KNG1: variants seen among roughly 807,000 people sequenced by gnomAD.
The protein encoded by KNG1 is kininogen 1, also known as kininogen-1.
In KNG1, 23 loss-of-function variants were observed where a neutral mutation model predicts 47.8. The ratio of observed to expected loss-of-function variants is 0.48; its 90% CI spans 0.35 to 0.68. KNG1 has a LOEUF of 0.68. KNG1 is among the 30% of genes least tolerant of loss of function. The pLI, the probability that KNG1 is intolerant of heterozygous loss-of-function variation, is 0.01. For synonymous variants in KNG1, 277 were observed against 277.0 expected (o/e 1.00, Z 0.00); for missense variants, 762 against 790.2 (o/e 0.96, Z 0.43).
chr3:186,717,879 CCACAA>C (rs1720037605), intron 1 of KNG1, 142 bp downstream of exon 1: 5 of 275,784 alleles, frequency 1.8e-5, no homozygotes, highest in South Asian at 5.1e-5. Flanking sequence ...ACCACCACCA[CCACAA>C]CCACCACCAC....
intron 2 of KNG1, chr3:186,722,117 C>CAAA (rs56170982): frequency 5.0e-4 from 71 of 143,116 alleles, no homozygotes; most frequent in African/African-American, 1.8e-3. Flanking sequence ...CACTCTGTCT[C>CAAA]AAAAAAAAAA....
At position 186,737,190 on chromosome 3, in the gene KNG1, A is replaced by G. The variant is rs557140312; in HGVS notation, c.931-1909A>G. Among the ~76,000 whole-genome samples, 16 of 152,326 alleles carry G rather than the reference A, an allele frequency of 1.1e-4. No homozygotes were observed. In the South Asian group the frequency reaches 3.3e-3, roughly 32 times the overall value. ...TCATCTTTGCCTGCATGGAAGGCTA[A>G]CAATGATGTCTCATTGCTTTTTTAA... On this transcript the variant is annotated intron_variant, in intron 7 of 9. Coordinates refer to ENST00000644859, the MANE Select transcript of KNG1 (RefSeq NM_001102416.3).
chr3:186,720,536 G>T, intron 2 of KNG1: 13 of 338,096 alleles, frequency 3.8e-5, no homozygotes, highest in East Asian at 7.1e-5. Context: ...AGGGGAGGGG[G>T]TGGGTGCTTC....
chr3:186,744,075 G>C lies in KNG1; in HGVS notation c.*1744G>C. 2.2e-6 allele frequency: 1 copy of C among 458,294 alleles called. No individual in the cohort carries two copies. Among genetic ancestry groups the C allele is most frequent in the Non-Finnish European group, 4.0e-6 (1 of 249,322 alleles). The allele number at this position is 458,294 out of a possible 1,614,324, so 28.4% of individuals were successfully genotyped here. ...CAACACTGGAACATTCCCTAGCCAA[G>C]GCAGAAGTCCTTAGGCGGGACTTCC... On this transcript the variant is annotated 3_prime_UTR_variant, in exon 10 of 10. Coordinates refer to ENST00000644859, the MANE Select transcript of KNG1 (RefSeq NM_001102416.3).
At chr3:186,727,104 A>G (rs2304454) in intron 4 of KNG1, 133 bp from the exon 5 acceptor site, 156,595 of 692,450 alleles carry the variant, frequency 0.23, 18,773 homozygotes, top group South Asian at 0.33. Flanking sequence ...TTTGCCTAGT[A>G]ATAATAATAT....
In KNG1 at chr3:186,741,892, A is replaced by G; in HGVS notation, c.1496A>G (p.His499Arg). ...HVLDHGHKHK[H>R]GHGHGKHKNK... ...CTTGACCATGGACATAAGCATAAGC[A>G]TGGTCATGGCCACGGAAAACATAAA... The change falls in exon 10 of 10, where the codon CAT (histidine) becomes CGT (arginine). Residue 499 changes from histidine to arginine, a missense_variant. Physicochemically the swap from His to Arg is conservative, Grantham distance 29. Transcript: ENST00000644859. 4 of 1,614,112 alleles carry G rather than the reference A, an allele frequency of 2.5e-6. 1 individual carries two copies. The highest frequency in any genetic ancestry group is 1.1e-5 in the South Asian group (1 of 91,068).
In KNG1 at chr3:186,722,493, G is replaced by A. The variant is rs781559341; in HGVS notation, c.363G>A (p.Val121=). 7.4e-6 allele frequency: 12 copies of A among 1,613,860 alleles called. No homozygotes were observed. In the East Asian group the frequency reaches 2.7e-4, roughly 36 times the overall value. The part of the protein sequence containing the change: ...VGKRSSTKFS[V]ATQTCQITPA... ...AGAGGAGCAGTACGAAATTCTCCGT[G>A]GCTACCCAGACCTGCCAGATTACTC... Residue 121 remains valine (V), a synonymous_variant, in exon 3 of 10, where the codon GTG becomes GTA. Transcript: ENST00000644859.
At chr3:186,723,241 A>G (rs1270524356) in intron 3 of KNG1, among the ~76,000 whole-genome samples, 2 of 152,180 alleles carry the variant, frequency 1.3e-5, no homozygotes, top group East Asian at 3.9e-4. Context: ...ATCACCTGGA[A>G]TAGTTATCAT....
chr3:186,721,030 C>G (rs5029990), intron 2 of KNG1, among the ~76,000 whole-genome samples: 28,350 of 151,862 alleles, frequency 0.19, 2,805 homozygotes, highest in South Asian at 0.3. Context: ...ACCTGGTGAT[C>G]TGCCTGCCTC....
In KNG1 at chr3:186,743,497, C is replaced by T; in HGVS notation, c.*1166C>T. 1.7e-6 allele frequency: 1 copy of T among 575,300 alleles called. No individual in the cohort carries two copies. Among genetic ancestry groups the T allele is most frequent in the Non-Finnish European group, 3.1e-6 (1 of 322,210 alleles). 35.6% of individuals were successfully genotyped at this position (575,300 alleles called of 1,614,324 possible). On this transcript the variant is annotated 3_prime_UTR_variant, in exon 10 of 10. Coordinates refer to ENST00000644859, the MANE Select transcript of KNG1 (RefSeq NM_001102416.3). ...AGATATGGCTTTAAATAGCTACAATCATCTTTGGATGTATATGTCACTGCT... is the reference window on the plus strand; with the variant it reads ...AGATATGGCTTTAAATAGCTACAATTATCTTTGGATGTATATGTCACTGCT...
rs1252251789 is a variant in KNG1 at position 186,743,763 on chromosome 3, C to T, written c.*1432C>T. 2 of 1,614,052 alleles carry T rather than the reference C, an allele frequency of 1.2e-6. No individual in the cohort carries two copies. The highest frequency in any genetic ancestry group is 1.6e-4 in the Middle Eastern group (1 of 6,062). ...CCCCCAAAGGCAGGGGCAGAGCCAG[C>T]ATCTGAGAGGGAGGTCTCTTGACCA... On this transcript the variant is annotated 3_prime_UTR_variant, in exon 10 of 10. Coordinates refer to ENST00000644859, the MANE Select transcript of KNG1 (RefSeq NM_001102416.3).
intron 7 of KNG1, chr3:186,738,743 G>T (rs545530251): frequency 6.6e-4 from 182 of 275,408 alleles, no homozygotes; most frequent in African/African-American, 3.8e-3. Context: ...CTACTCAGGA[G>T]GCTGAGGCAG....
intron 2 of KNG1, chr3:186,722,181 A>G: frequency 2.4e-6 from 1 of 423,842 alleles, no homozygotes; most frequent in Non-Finnish European, 4.2e-6. Context: ...CCAGGGCTCA[A>G]AACAAAGACT....
At chr3:186,733,242 C>CTAAATAAATAAATAAA (rs10576660) in intron 7 of KNG1, among the ~76,000 whole-genome samples, 2 of 150,402 alleles carry the variant, frequency 1.3e-5, no homozygotes, top group Non-Finnish European at 3.0e-5. Context: ...GAGACTCTGT[C>CTAAATAAATAAATAAA]TAAATAAATA....
At chr3:186,741,413 AC>A (rs1458231529) in intron 9 of KNG1, 108 bp from the exon 10 acceptor site, 5 of 957,808 alleles carry the variant, frequency 5.2e-6, no homozygotes, top group Non-Finnish European at 7.8e-6. Flanking sequence ...TCTGGCAAAC[AC>A]CTCCCCCATT....
In KNG1 at chr3:186,740,986, G is replaced by T. The variant is rs553294081; in HGVS notation, c.1126-536G>T. On this transcript the variant is annotated intron_variant, in intron 9 of 9. Coordinates refer to ENST00000644859, the MANE Select transcript of KNG1 (RefSeq NM_001102416.3). Reference sequence around the variant, plus strand: ...GGCTGGGTTTTTTTGTTTTTTTTTTGTTGTTGTTGTTGTTTGTTTTTTGTT... The same window carrying T: ...GGCTGGGTTTTTTTGTTTTTTTTTTTTTGTTGTTGTTGTTTGTTTTTTGTT... Among the ~76,000 whole-genome samples the T allele has an allele frequency of 9.0e-3, 1,305 of 144,254 alleles. 14 individuals carry two copies. The highest frequency in any genetic ancestry group is 0.023 in the Admixed American group (329 of 14,544). 94.6% of individuals were successfully genotyped at this position (144,254 alleles called of 152,430 possible).
At chr3:186,733,019 G>A (rs976440315) in intron 7 of KNG1, among the ~76,000 whole-genome samples, 9 of 152,062 alleles carry the variant, frequency 5.9e-5, no homozygotes, top group Non-Finnish European at 8.8e-5. Context: ...AGGCCAAGGC[G>A]GGTGGATCAC....
At position 186,730,715 on chromosome 3, in the gene KNG1, TACACACACAC is replaced by T. The variant is rs1198252081; in HGVS notation, c.673-824_673-815del. Among the ~76,000 whole-genome samples the T allele has an allele frequency of 7.7e-4, 84 of 109,444 alleles. 1 individual carries two copies. Among genetic ancestry groups the T allele is most frequent in the Admixed American group, 1.7e-3 (16 of 9,440 alleles). The allele number at this position is 109,444 out of a possible 152,430, so 71.8% of individuals were successfully genotyped here. A position where few individuals can be genotyped will look rare whatever the true frequency, so the allele number is the denominator to read the frequency against. On this transcript the variant is annotated intron_variant, in intron 5 of 9. Transcript: ENST00000644859. ...ATATATATATATATATATATATATA[TACACACACAC>T]ACACATATATATATACACATATATA...
In KNG1 at chr3:186,741,777, C is replaced by T. The variant is rs1720818957; in HGVS notation, c.1381C>T (p.Leu461Phe). Residue 461 changes from leucine to phenylalanine, a missense_variant, in exon 10 of 10, where the codon CTT becomes TTT. Leu to Phe is a conservative substitution (Grantham distance 22). Transcript: ENST00000644859. ...GCATGGGCACCAAAGAGGACATGGC[C>T]TTGGCCATGGACACGAACAACAGCA... ...QGHGHQRGHG[L>F]GHGHEQQHGL... The T allele has an allele frequency of 6.2e-7, 1 of 1,613,912 alleles. No individual in the cohort carries two copies. Among genetic ancestry groups the T allele is most frequent in the African/African-American group, 1.3e-5 (1 of 74,908 alleles).
Sources: gnomAD v4.1 joint callset for allele counts (sites outside exome capture counted in the v4.1 genomes callset) on GRCh38, gnomAD v4.1.1 for gene constraint, MANE v1.5 for transcripts, NCBI Gene and HGNC (gene_info 2026-07-23, HGNC 2026-07-21) for gene names.